SOS2: variants seen among roughly 807,000 people sequenced by gnomAD.
SOS2 encodes son of sevenless homolog 2.
A neutral mutation model predicts 148.2 loss-of-function variants in SOS2; 65 were observed. The observed-to-expected ratio is 0.44, with a 90% CI of 0.36 to 0.54. SOS2 has a LOEUF of 0.54. Ranked by LOEUF, SOS2 falls within the 20% of genes least tolerant of loss-of-function variation. SOS2 has a pLI of 0.00. For missense variants in SOS2, 1,341 were observed against 1,590.2 expected, an observed-to-expected ratio of 0.84 and a Z score of 2.67; for synonymous variants, 539 against 537.1, an observed-to-expected ratio of 1.00 and a Z score of -0.05.
intron 1 of SOS2, among the ~76,000 whole-genome samples, chr14:50,209,321 G>GTGTGTGTGTGTGTGTGTGTC (rs1179515891): frequency 2.3e-4 from 32 of 141,760 alleles, no homozygotes; most frequent in Non-Finnish European, 3.8e-4. Context: ...GTGTGTGTGT[G>GTGTGTGTGTGTGTGTGTGTC]TCTCCTATTG....
At chr14:50,230,150 TCTTTAA>T (rs924208092) in intron 1 of SOS2, among the ~76,000 whole-genome samples, 1 of 152,248 alleles carries the variant, frequency 6.6e-6, no homozygotes, top group Non-Finnish European at 1.5e-5. Context: ...GAGGAAAATG[TCTTTAA>T]CTTTAAAATA....
intron 20 of SOS2, among the ~76,000 whole-genome samples, chr14:50,130,211 CT>C (rs367604897): frequency 6.6e-5 from 10 of 152,136 alleles, no homozygotes; most frequent in African/African-American, 2.4e-4. Context: ...TATCACAGAA[CT>C]TATCTATTTG....
rs147219288 is a variant in SOS2, at chr14:50,153,390, AAAAT to A, written c.2058-221_2058-218del. On this transcript the variant is annotated intron_variant, in intron 12 of 22. Transcript: ENST00000216373. ...ATTTATTAATAAAATGTATACTTTT[AAAAT>A]ATTTATAAGCATAAAAATAGTGGTT... Among the ~76,000 whole-genome samples the A allele has an allele frequency of 9.2e-3, 1,401 of 151,752 alleles. 18 individuals carry two copies. Among genetic ancestry groups the A allele is most frequent in the African/African-American group, 0.033 (1,336 of 41,042 alleles).
intron 14 of SOS2, among the ~76,000 whole-genome samples, chr14:50,146,798 T>C (rs1420860032): frequency 1.3e-5 from 2 of 152,160 alleles, no homozygotes; most frequent in Non-Finnish European, 2.9e-5. Flanking sequence ...GCATCTAAAA[T>C]AAGCTAACTA....
At chr14:50,222,301 G>C (rs989138763) in intron 1 of SOS2, among the ~76,000 whole-genome samples, 1 of 152,092 alleles carries the variant, frequency 6.6e-6, no homozygotes, top group Non-Finnish European at 1.5e-5. Flanking sequence ...GGGATACACA[G>C]CAAAAAAAGT....
At chr14:50,149,805 T>A (rs1456460569) in intron 14 of SOS2, among the ~76,000 whole-genome samples, 1 of 152,144 alleles carries the variant, frequency 6.6e-6, no homozygotes, top group East Asian at 1.9e-4. Flanking sequence ...CCTCTTGTAA[T>A]GGATTGCTAG....
intron 18 of SOS2, among the ~76,000 whole-genome samples, chr14:50,135,624 T>A (rs1884050676): frequency 6.8e-6 from 1 of 146,968 alleles, no homozygotes; most frequent in Non-Finnish European, 1.5e-5. Flanking sequence ...TTCAATTAAC[T>A]TTTTTCAATG....
intron 8 of SOS2, among the ~76,000 whole-genome samples, chr14:50,170,620 C>T (rs1363080630): frequency 2.0e-5 from 3 of 151,976 alleles, no homozygotes; most frequent in Non-Finnish European, 4.4e-5. Context: ...CTGCAGTAAG[C>T]CATGATTGTA....
At chr14:50,188,023 C>G (rs1469573419) in intron 5 of SOS2, among the ~76,000 whole-genome samples, 1 of 152,196 alleles carries the variant, frequency 6.6e-6, no homozygotes, top group African/African-American at 2.4e-5. Flanking sequence ...TTCATTGTCA[C>G]TGTACCTATT....
At chr14:50,120,709 CAAAG>C (rs1476893971) in intron 21 of SOS2, among the ~76,000 whole-genome samples, 1 of 146,136 alleles carries the variant, frequency 6.8e-6, no homozygotes, top group East Asian at 2.0e-4. Context: ...TAGTAACTTC[CAAAG>C]AAAGACCATC....
At chr14:50,166,131 A>C (rs1258497130) in intron 8 of SOS2, among the ~76,000 whole-genome samples, 1 of 152,236 alleles carries the variant, frequency 6.6e-6, no homozygotes, top group Non-Finnish European at 1.5e-5. Flanking sequence ...AAATGAAATG[A>C]GTGTACTCTG....
intron 8 of SOS2, 28 bp downstream of exon 8, chr14:50,174,426 A>T (rs754696133): frequency 1.0e-5 from 13 of 1,256,010 alleles, no homozygotes; most frequent in Non-Finnish European, 1.5e-5. Context: ...TTAGATAAGT[A>T]CTTTGAGATT....
intron 1 of SOS2, among the ~76,000 whole-genome samples, chr14:50,224,883 C>CAAAAAAAAAAAAA (rs373602186): frequency 8.3e-5 from 8 of 96,642 alleles, no homozygotes; most frequent in Admixed American, 1.3e-4. Context: ...AAAACCCTGT[C>CAAAAAAAAAAAAA]AAAAAAAAAA....
At chr14:50,169,809 T>A (rs571685544) in intron 8 of SOS2, among the ~76,000 whole-genome samples, 2 of 152,160 alleles carry the variant, frequency 1.3e-5, no homozygotes, top group South Asian at 4.1e-4. Flanking sequence ...ATATAGAATA[T>A]ATATCTATAA....
intron 1 of SOS2, among the ~76,000 whole-genome samples, chr14:50,216,061 C>T (rs978009780): frequency 2.6e-5 from 4 of 151,314 alleles, no homozygotes; most frequent in African/African-American, 9.7e-5. Flanking sequence ...ATTAAGAATA[C>T]TGGCAATGTT....
intron 19 of SOS2, among the ~76,000 whole-genome samples, chr14:50,132,748 G>C (rs183821679): frequency 1.3e-5 from 2 of 152,028 alleles, no homozygotes; most frequent in African/African-American, 4.8e-5. Context: ...GTTTGTAGAG[G>C]GTCAAAGAAC....
chr14:50,204,744 G>A (rs753207591), intron 1 of SOS2, among the ~76,000 whole-genome samples: 6 of 152,072 alleles, frequency 3.9e-5, no homozygotes, highest in African/African-American at 1.4e-4. Context: ...TGAAGTCTAC[G>A]CAGGTCATGA....
intron 16 of SOS2, among the ~76,000 whole-genome samples, chr14:50,141,886 T>C (rs1884301481): frequency 6.6e-6 from 1 of 152,124 alleles, no homozygotes; most frequent in Admixed American, 6.5e-5. Context: ...TATGATAGTT[T>C]AGACTAGTGG....
intron 13 of SOS2, 36 bp downstream of exon 13, chr14:50,153,034 C>A: frequency 2.1e-6 from 2 of 952,168 alleles, no homozygotes; most frequent in South Asian, 3.1e-5. Context: ...AACTCATGTT[C>A]AATATAAGAT....
Sources: gnomAD v4.1 joint callset for allele counts (sites outside exome capture counted in the v4.1 genomes callset) on GRCh38, gnomAD v4.1.1 for gene constraint, MANE v1.5 for transcripts, NCBI Gene and HGNC (gene_info 2026-07-23, HGNC 2026-07-21) for gene names.